Variants in HS6ST2 observed in about 807,000 individuals in gnomAD.
The protein encoded by HS6ST2 is heparan sulfate 6-O-sulfotransferase 2.
In HS6ST2, 17 loss-of-function variants were observed where a neutral mutation model predicts 33.0. The observed-to-expected ratio is 0.52, with a 90% CI of 0.35 to 0.77. HS6ST2 has a LOEUF of 0.77. Ranked by LOEUF, HS6ST2 falls within the 30% of genes least tolerant of loss-of-function variation. The probability of loss-of-function intolerance (pLI) is 0.01; values close to 1 mark genes in which losing one functional copy is unlikely to be tolerated. For missense variants in HS6ST2, 519 were observed against 551.7 expected, an observed-to-expected ratio of 0.94 and a Z score of 0.59; for synonymous variants, 248 against 237.1, an observed-to-expected ratio of 1.05 and a Z score of -0.42.
At chrX:132,875,356 G>C (rs1406855886) in intron 2 of HS6ST2, among the ~76,000 whole-genome samples, 1 of 111,561 alleles carries the variant, frequency 9.0e-6, no homozygotes, top group Non-Finnish European at 1.9e-5. Context: ...GTGGTTTGAG[G>C]ATCCTTGGTT....
chrX:132,840,947 G>A (rs2065701795), intron 2 of HS6ST2, among the ~76,000 whole-genome samples: 1 of 112,267 alleles, frequency 8.9e-6, no homozygotes, highest in Admixed American at 9.4e-5. Context: ...GTGGGCCAGT[G>A]GAAAGCAGTA....
intron 3 of HS6ST2, among the ~76,000 whole-genome samples, chrX:132,680,396 T>A (rs1288558384): frequency 9.0e-6 from 1 of 110,942 alleles, no homozygotes; most frequent in African/African-American, 3.3e-5. Flanking sequence ...TTTGTGTGCC[T>A]GTTGGTACCT....
At chrX:132,717,278 C>T (rs1441394817) in intron 2 of HS6ST2, among the ~76,000 whole-genome samples, 5 of 112,754 alleles carry the variant, frequency 4.4e-5, no homozygotes, top group African/African-American at 1.6e-4. Flanking sequence ...TGAAAAGAGG[C>T]CATGTGCTAG....
intron 4 of HS6ST2, among the ~76,000 whole-genome samples, chrX:132,648,916 A>C (rs964204022): frequency 1.8e-5 from 2 of 112,038 alleles, no homozygotes; most frequent in African/African-American, 6.5e-5. Context: ...AAAGATCCTG[A>C]AATGTGTGTG....
intron 2 of HS6ST2, among the ~76,000 whole-genome samples, chrX:132,941,106 C>T (rs1196483655): frequency 8.9e-6 from 1 of 111,802 alleles, no homozygotes; most frequent in Non-Finnish European, 1.9e-5. Context: ...CATTCCAGTC[C>T]AACCAGAATT....
At chrX:132,632,443 A>G (rs1366716056) in intron 4 of HS6ST2, among the ~76,000 whole-genome samples, 6 of 111,170 alleles carry the variant, frequency 5.4e-5, no homozygotes, top group Non-Finnish European at 1.9e-5. Flanking sequence ...GATGCTCATT[A>G]TATCCAAGGA....
chrX:132,708,299 TAAAAAAAAAAAA>T lies in HS6ST2; in HGVS notation c.980+151_980+162del, dbSNP rs36028236. On this transcript the variant is annotated intron_variant, in intron 3 of 4. Coordinates refer to ENST00000370833, the MANE Select transcript of HS6ST2 (RefSeq NM_001394073.1). Reference sequence around the variant, plus strand: ...CTGGGTAGTTTCAGCTGTTTTAAACTAAAAAAAAAAAAAAAAAAAAAAAAAAAAAGCCCTGGA... The same window carrying T: ...CTGGGTAGTTTCAGCTGTTTTAAACTAAAAAAAAAAAAAAAAAGCCCTGGA... 2.8e-4 allele frequency among the ~76,000 whole-genome samples: 6 copies of T among 21,211 alleles called. No homozygotes were observed. In the East Asian group the frequency reaches 5.0e-3, roughly 18 times the overall value. The allele number at this position is 21,211 out of a possible 115,157, so 18.4% of individuals were successfully genotyped here. A position where few individuals can be genotyped will look rare whatever the true frequency, so the allele number is the denominator to read the frequency against.
intron 2 of HS6ST2, among the ~76,000 whole-genome samples, chrX:132,797,255 C>T (rs2065190298): frequency 1.8e-5 from 2 of 111,618 alleles, no homozygotes; most frequent in South Asian, 7.6e-4. Flanking sequence ...GAGAGAGCTA[C>T]GAAGTTGATG....
intron 4 of HS6ST2, among the ~76,000 whole-genome samples, chrX:132,647,436 G>A (rs919681152): frequency 6.3e-5 from 7 of 111,761 alleles, no homozygotes; most frequent in Non-Finnish European, 1.3e-4. Context: ...CCAGAGGTGA[G>A]CAGCAGGAGA....
chrX:132,956,777 G>A (rs1205798290), intron 2 of HS6ST2, 31 bp downstream of exon 2: 1 of 1,138,130 alleles, frequency 8.8e-7, no homozygotes, highest in Non-Finnish European at 1.2e-6. Flanking sequence ...GCCTAGGCCC[G>A]GGTCCCGCTC....
At chrX:132,831,107 CT>C (rs2065585440) in intron 2 of HS6ST2, among the ~76,000 whole-genome samples, 1 of 111,128 alleles carries the variant, frequency 9.0e-6, no homozygotes, top group South Asian at 3.8e-4. Flanking sequence ...ACTTTCTTTC[CT>C]TTAGGTCTCT....
At chrX:132,656,867 C>T (rs2063734012) in intron 4 of HS6ST2, among the ~76,000 whole-genome samples, 1 of 111,854 alleles carries the variant, frequency 8.9e-6, no homozygotes, top group Non-Finnish European at 1.9e-5. Flanking sequence ...CTTTGAGGTC[C>T]TCCCTCAGAA....
chrX:132,924,954 G>A (rs947630981), intron 2 of HS6ST2, among the ~76,000 whole-genome samples: 21 of 111,283 alleles, frequency 1.9e-4, no homozygotes, highest in African/African-American at 6.9e-4. Flanking sequence ...GAGACCGTGC[G>A]CCTGTGGTCC....
chrX:132,823,120 G>A (rs750583907), intron 2 of HS6ST2, among the ~76,000 whole-genome samples: 2 of 112,062 alleles, frequency 1.8e-5, no homozygotes, highest in Non-Finnish European at 3.8e-5. Context: ...TTTAATATAC[G>A]AACGAACATG....
intron 2 of HS6ST2, among the ~76,000 whole-genome samples, chrX:132,791,661 T>C (rs2065120862): frequency 8.9e-6 from 1 of 112,269 alleles, no homozygotes; most frequent in Non-Finnish European, 1.9e-5. Context: ...GTTTTTCTTT[T>C]CTTTTTTCTT....
intron 3 of HS6ST2, among the ~76,000 whole-genome samples, chrX:132,697,674 G>A (rs746291896): frequency 8.1e-5 from 9 of 111,660 alleles, no homozygotes; most frequent in Non-Finnish European, 1.3e-4. Flanking sequence ...CTGACCCAAC[G>A]ACTCAACCTA....
At chrX:132,653,879 T>A (rs1206559946) in intron 4 of HS6ST2, among the ~76,000 whole-genome samples, 1 of 111,443 alleles carries the variant, frequency 9.0e-6, no homozygotes, top group Non-Finnish European at 1.9e-5. Context: ...CTTATATGGC[T>A]GAAGCCAGGT....
chrX:132,638,390 A>C (rs2063578067), intron 4 of HS6ST2, among the ~76,000 whole-genome samples: 1 of 111,442 alleles, frequency 9.0e-6, no homozygotes. Context: ...AAATGCTGTT[A>C]TCAGCAGTGG....
chrX:132,696,782 A>G (rs2064108101), intron 3 of HS6ST2, among the ~76,000 whole-genome samples: 1 of 111,932 alleles, frequency 8.9e-6, no homozygotes, highest in Non-Finnish European at 1.9e-5. Flanking sequence ...AGGTCACACT[A>G]AGCGCCTTTA....
Sources: gnomAD v4.1 joint callset for allele counts (sites outside exome capture counted in the v4.1 genomes callset) on GRCh38, gnomAD v4.1.1 for gene constraint, MANE v1.5 for transcripts, NCBI Gene and HGNC (gene_info 2026-07-23, HGNC 2026-07-21) for gene names.